IQGAP2: variants seen among roughly 807,000 people sequenced by gnomAD.
IQGAP2 encodes ras GTPase-activating-like protein IQGAP2.
A neutral mutation model predicts 201.3 loss-of-function variants in IQGAP2; 173 were observed. That is an observed-to-expected ratio of 0.86 (90% CI 0.76 to 0.98). IQGAP2 has a LOEUF of 0.98. IQGAP2 is among the 50% of genes least tolerant of loss of function. IQGAP2 has a pLI of 0.00. For missense variants in IQGAP2, 1,687 were observed against 1,864.8 expected, an observed-to-expected ratio of 0.90 and a Z score of 1.76; for synonymous variants, 675 against 673.9, an observed-to-expected ratio of 1.00 and a Z score of -0.03.
chr5:76,509,111 C>A (rs1757802221), intron 2 of IQGAP2, among the ~76,000 whole-genome samples: 1 of 151,324 alleles, frequency 6.6e-6, no homozygotes, highest in African/African-American at 2.4e-5. Flanking sequence ...ATATTTCATA[C>A]TTTAATGTCT....
At chr5:76,697,238 G>T (rs1349279734) in intron 32 of IQGAP2, among the ~76,000 whole-genome samples, 1 of 151,942 alleles carries the variant, frequency 6.6e-6, no homozygotes, top group East Asian at 1.9e-4. Context: ...TCAAACCTTG[G>T]GAAATATTTG....
rs530427847 is a variant in IQGAP2, at chr5:76,617,817, A to C, written c.1521+6634A>C. 3.7e-6 allele frequency: 6 copies of C among 1,613,994 alleles called. No homozygotes were observed. In the African/African-American group the frequency reaches 6.7e-5, roughly 18 times the overall value. ...GAGGAGACTCGCCTTAACATACCAC[A>C]ACCATCTATGATCGTATGCATTAAG... On this transcript the variant is annotated intron_variant, in intron 13 of 35. Transcript: ENST00000274364.
chr5:76,668,187 C>T (rs1237351124), intron 22 of IQGAP2, among the ~76,000 whole-genome samples: 2 of 152,058 alleles, frequency 1.3e-5, no homozygotes, highest in East Asian at 3.9e-4. Flanking sequence ...CCAAGCTTTG[C>T]CAGTGTCTTT....
intron 2 of IQGAP2, among the ~76,000 whole-genome samples, chr5:76,489,034 T>A (rs1055222264): frequency 1.1e-4 from 17 of 152,196 alleles, no homozygotes; most frequent in Non-Finnish European, 2.4e-4. Context: ...TGACCCCAGA[T>A]GTAAAGCCAG....
intron 3 of IQGAP2, among the ~76,000 whole-genome samples, chr5:76,568,507 T>A (rs955129573): frequency 6.6e-6 from 1 of 152,348 alleles, no homozygotes; most frequent in East Asian, 1.9e-4. Context: ...ATTACTTTGC[T>A]AACAAGACCA....
chr5:76,403,923 CG>C lies in IQGAP2; in HGVS notation c.46+335del, dbSNP rs1201808001. On this transcript the variant is annotated intron_variant, in intron 1 of 35. Coordinates refer to ENST00000274364, the MANE Select transcript of IQGAP2 (RefSeq NM_006633.5). The surrounding 1 kb of genome is among the most constrained non-coding windows in gnomAD (Gnocchi z 4.8). Reference sequence around the variant, plus strand: ...ATCAGGTGAGGAGTCCGCGGAGCTCCGGGTCGCCGCCGGCTTGGGCCAGGGG... The same window carrying C: ...ATCAGGTGAGGAGTCCGCGGAGCTCCGGTCGCCGCCGGCTTGGGCCAGGGG... 1.3e-5 allele frequency among the ~76,000 whole-genome samples: 2 copies of C among 152,128 alleles called. No homozygotes were observed. Among genetic ancestry groups the C allele is most frequent in the Non-Finnish European group, 2.9e-5 (2 of 68,014 alleles).
chr5:76,622,779 C>A (rs1173556041), intron 13 of IQGAP2, among the ~76,000 whole-genome samples: 1 of 152,118 alleles, frequency 6.6e-6, no homozygotes, highest in African/African-American at 2.4e-5. Flanking sequence ...TTGTTTCTCC[C>A]ATTTATGTCT....
At chr5:76,590,698 T>C in intron 8 of IQGAP2, 112 bp downstream of exon 8, 1 of 786,120 alleles carries the variant, frequency 1.3e-6, no homozygotes, top group Non-Finnish European at 2.0e-6. Context: ...ATTTTCTCTA[T>C]AGCCGTAGAC....
intron 17 of IQGAP2, among the ~76,000 whole-genome samples, chr5:76,648,313 A>G (rs1752242845): frequency 6.6e-6 from 1 of 152,170 alleles, no homozygotes; most frequent in African/African-American, 2.4e-5. Context: ...AACCAAATGG[A>G]GAACCTAGCC....
chr5:76,609,320 C>A, intron 12 of IQGAP2: 3 of 1,254,190 alleles, frequency 2.4e-6, no homozygotes, highest in Non-Finnish European at 3.4e-6. Context: ...TAGGGTAAAA[C>A]GACAGTACCT....
intron 5 of IQGAP2, among the ~76,000 whole-genome samples, chr5:76,584,880 A>G (rs1746135233): frequency 6.6e-6 from 1 of 152,256 alleles, no homozygotes; most frequent in African/African-American, 2.4e-5. Context: ...TTCACCAAAC[A>G]GAACCAAGAC....
At position 76,473,231 on chromosome 5, in the gene IQGAP2, A is replaced by T. The variant is rs114035728; in HGVS notation, c.146+11562A>T. Among the ~76,000 whole-genome samples, 594 of 152,292 alleles carry T rather than the reference A, an allele frequency of 3.9e-3. 2 individuals carry two copies. Among genetic ancestry groups the T allele is most frequent in the African/African-American group, 0.014 (570 of 41,556 alleles). On this transcript the variant is annotated intron_variant, in intron 2 of 35. Coordinates refer to ENST00000274364, the MANE Select transcript of IQGAP2 (RefSeq NM_006633.5). ...TTGGTTTTTAGGTTCTATATGGGCT[A>T]GTTCTAGTTCTAGCTCTTGATCAAT...
chr5:76,499,435 A>G (rs918906555), intron 2 of IQGAP2, among the ~76,000 whole-genome samples: 10 of 152,218 alleles, frequency 6.6e-5, no homozygotes, highest in Middle Eastern at 3.2e-3. Flanking sequence ...ATTCAGAAAT[A>G]AAACAACTCC....
intron 11 of IQGAP2, 83 bp downstream of exon 11, chr5:76,601,055 G>A: frequency 2.2e-6 from 3 of 1,364,728 alleles, no homozygotes; most frequent in Non-Finnish European, 3.1e-6. Context: ...GCCTGTTGGT[G>A]GAGAAATCCA....
intron 1 of IQGAP2, among the ~76,000 whole-genome samples, chr5:76,407,619 C>A (rs1361883828): frequency 6.6e-6 from 1 of 152,186 alleles, no homozygotes; most frequent in African/African-American, 2.4e-5. Context: ...TCAAAAGGAT[C>A]TTTAAGGTCA....
intron 1 of IQGAP2, among the ~76,000 whole-genome samples, chr5:76,445,264 G>A (rs1033210463): frequency 1.3e-5 from 2 of 152,178 alleles, no homozygotes; most frequent in African/African-American, 4.8e-5. Flanking sequence ...CAGCATTTGT[G>A]TGTCTGCTCT....
At chr5:76,639,985 A>G (rs1379831711) in intron 16 of IQGAP2, among the ~76,000 whole-genome samples, 1 of 152,224 alleles carries the variant, frequency 6.6e-6, no homozygotes. Flanking sequence ...AAAATTTAGA[A>G]TAAAAATTGA....
chr5:76,614,721 A>AT (rs1304143818), intron 13 of IQGAP2, among the ~76,000 whole-genome samples: 1 of 140,694 alleles, frequency 7.1e-6, no homozygotes, highest in Admixed American at 7.8e-5. Context: ...AGTAGCTGGG[A>AT]TTGTAGGCAC....
chr5:76,667,405 T>C (rs1003218047), intron 22 of IQGAP2, among the ~76,000 whole-genome samples: 2 of 152,212 alleles, frequency 1.3e-5, no homozygotes, highest in South Asian at 2.1e-4. Flanking sequence ...TTTTCAAGTA[T>C]GGAAAAATTT....
Sources: allele counts gnomAD v4.1 joint callset (sites outside exome capture counted in the v4.1 genomes callset), GRCh38; gene constraint gnomAD v4.1.1; non-coding constraint Gnocchi (gnomAD v3.1); transcripts MANE v1.5; gene names NCBI Gene and HGNC (gene_info 2026-07-23, HGNC 2026-07-21).